Variants in PTPRG observed in about 807,000 individuals in gnomAD.
PTPRG encodes the protein receptor-type tyrosine-protein phosphatase gamma.
A neutral mutation model predicts 165.3 loss-of-function variants in PTPRG; 102 were observed. The ratio of observed to expected loss-of-function variants is 0.62; its 90% CI spans 0.53 to 0.73. The LOEUF (loss-of-function observed/expected upper bound fraction) is 0.73. PTPRG is among the 30% of genes least tolerant of loss of function. The probability of loss-of-function intolerance (pLI) is 0.00; values close to 1 mark genes in which losing one functional copy is unlikely to be tolerated. For synonymous variants in PTPRG, 675 were observed against 669.5 expected, an observed-to-expected ratio of 1.01 and a Z score of -0.13; for missense variants, 1,866 against 1,861.4, an observed-to-expected ratio of 1.00 and a Z score of -0.05.
intron 2 of PTPRG, among the ~76,000 whole-genome samples, chr3:61,987,296 A>G (rs775953176): frequency 1.3e-5 from 2 of 152,230 alleles, no homozygotes; most frequent in Non-Finnish European, 2.9e-5. Flanking sequence ...GCAAGCATGT[A>G]GTTGGCTTAA....
At chr3:61,627,022 G>A (rs1486497457) in intron 1 of PTPRG, among the ~76,000 whole-genome samples, 1 of 152,108 alleles carries the variant, frequency 6.6e-6, no homozygotes, top group Non-Finnish European at 1.5e-5. Context: ...AAAAGCCTTT[G>A]GATTAAAAGA....
chr3:62,168,058 C>A lies in PTPRG; in HGVS notation c.928C>A (p.Gln310Lys), dbSNP rs763492567. Residue 310 changes from glutamine (Q) to lysine (K), a missense_variant, in exon 8 of 30, where the codon CAG (glutamine) becomes AAG (lysine). Transcript: ENST00000474889. ...TCTGAGAAATAACTTTCGACCACAGCAGCGTCTGCATGACAGGGTGGTGTC... is the reference window on the plus strand; with the variant it reads ...TCTGAGAAATAACTTTCGACCACAGAAGCGTCTGCATGACAGGGTGGTGTC... ...EYLRNNFRPQ[Q>K]RLHDRVVSKS... The A allele has an allele frequency of 6.2e-7, 1 of 1,613,988 alleles. No homozygotes were observed. The highest frequency in any genetic ancestry group is 8.5e-7 in the Non-Finnish European group (1 of 1,179,932).
intron 2 of PTPRG, among the ~76,000 whole-genome samples, chr3:61,830,577 T>G (rs369380099): frequency 0.057 from 8,242 of 144,480 alleles, 332 homozygotes; most frequent in East Asian, 0.21. Flanking sequence ...TTTTTTTTTT[T>G]TTTTTTTTTT....
chr3:61,738,009 C>T lies in PTPRG; in HGVS notation c.86-10869C>T, dbSNP rs112309673. On this transcript the variant is annotated intron_variant, in intron 1 of 29. Transcript: ENST00000474889. ...CTGCAAGCTCCGCCTCCGGGGTTCACGCCATTCTCCTGCCTCAGCCTCCCG... is the reference window on the plus strand; with the variant it reads ...CTGCAAGCTCCGCCTCCGGGGTTCATGCCATTCTCCTGCCTCAGCCTCCCG... Among the ~76,000 whole-genome samples, 609 of 149,410 alleles carry T rather than the reference C, an allele frequency of 4.1e-3. 9 individuals are homozygous for T. The highest frequency in any genetic ancestry group is 0.014 in the African/African-American group (586 of 40,794).
intron 28 of PTPRG, among the ~76,000 whole-genome samples, chr3:62,286,562 T>TA (rs5849473): frequency 0.89 from 134,137 of 151,364 alleles, 59,627 homozygotes; most frequent in East Asian, 0.99. Flanking sequence ...ACAGAGCACT[T>TA]AAAAAAAAAC....
At chr3:61,638,312 C>T (rs1308213504) in intron 1 of PTPRG, among the ~76,000 whole-genome samples, 3 of 151,738 alleles carry the variant, frequency 2.0e-5, no homozygotes, top group Non-Finnish European at 2.9e-5. Flanking sequence ...AATTTCAGGA[C>T]CTTGCTGTAG....
Position 61,708,443 on chromosome 3 carries a change from CTTTTTTTTTTTTT to C in PTPRG, c.86-40419_86-40407del, listed in dbSNP as rs61136954. 3.0e-4 allele frequency among the ~76,000 whole-genome samples: 23 copies of C among 75,914 alleles called. 1 individual carries two copies. The highest frequency in any genetic ancestry group is 1.6e-3 in the South Asian group (3 of 1,862). 49.8% of individuals were successfully genotyped at this position (75,914 alleles called of 152,430 possible). On this transcript the variant is annotated intron_variant, in intron 1 of 29. Transcript: ENST00000474889. ...CTAATGAACTGGGCTCTCTGCAAAT[CTTTTTTTTTTTTT>C]TTTTTTTTTTTTTTTGAGACAGAGT...
At chr3:61,990,096 CT>C (rs201934518) in intron 3 of PTPRG, among the ~76,000 whole-genome samples, 1,547 of 151,834 alleles carry the variant, frequency 0.01, 20 homozygotes, top group African/African-American at 0.035. Context: ...TGTAGAAGGA[CT>C]TTCAGAAAGC....
chr3:61,704,599 T>C (rs1240296124), intron 1 of PTPRG, among the ~76,000 whole-genome samples: 1 of 150,930 alleles, frequency 6.6e-6, no homozygotes, highest in Non-Finnish European at 1.5e-5. Context: ...ACCTTGACTT[T>C]GAGAGCCACT....
At chr3:61,939,233 A>C (rs1041805286) in intron 2 of PTPRG, among the ~76,000 whole-genome samples, 1 of 152,152 alleles carries the variant, frequency 6.6e-6, no homozygotes, top group African/African-American at 2.4e-5. Flanking sequence ...AAGCAGCCCT[A>C]TATTTACTCA....
intron 6 of PTPRG, among the ~76,000 whole-genome samples, chr3:62,146,310 AGATG>A (rs761920661): frequency 2.5e-4 from 38 of 152,228 alleles, no homozygotes; most frequent in Non-Finnish European, 5.3e-4. Flanking sequence ...TAGATGTCTT[AGATG>A]TCTTTGAACC....
intron 1 of PTPRG, among the ~76,000 whole-genome samples, chr3:61,734,667 C>T (rs1314889776): frequency 1.3e-5 from 2 of 152,084 alleles, no homozygotes; most frequent in African/African-American, 4.8e-5. Flanking sequence ...GATAGGGAAA[C>T]CCCCAAAGAT....
chr3:61,806,632 G>C (rs1164749672), intron 2 of PTPRG, among the ~76,000 whole-genome samples: 1 of 152,092 alleles, frequency 6.6e-6, no homozygotes, highest in Non-Finnish European at 1.5e-5. Flanking sequence ...TGATAGGGTA[G>C]TTAGCAAACC....
intron 4 of PTPRG, among the ~76,000 whole-genome samples, chr3:62,066,695 T>C (rs974939331): frequency 6.6e-6 from 1 of 152,128 alleles, no homozygotes; most frequent in African/African-American, 2.4e-5. Context: ...AAGAAAGCCA[T>C]TGCAGTCACC....
intron 2 of PTPRG, among the ~76,000 whole-genome samples, chr3:61,840,313 C>T (rs2036587542): frequency 6.6e-6 from 1 of 152,012 alleles, no homozygotes; most frequent in Non-Finnish European, 1.5e-5. Context: ...GGACCCATTT[C>T]GATCTGTATT....
chr3:61,672,301 C>T (rs1372651244), intron 1 of PTPRG, among the ~76,000 whole-genome samples: 2 of 145,602 alleles, frequency 1.4e-5, no homozygotes, highest in African/African-American at 5.1e-5. Context: ...AGACGCTCCT[C>T]ACTTCCCAGA....
At chr3:62,284,230 G>C (rs1005489786) in intron 28 of PTPRG, among the ~76,000 whole-genome samples, 1 of 152,002 alleles carries the variant, frequency 6.6e-6, no homozygotes, top group Non-Finnish European at 1.5e-5. Flanking sequence ...TAAGGAAAGA[G>C]GAAAAGAAAA....
intron 1 of PTPRG, among the ~76,000 whole-genome samples, chr3:61,732,709 AAAAT>A (rs10593342): frequency 0.5 from 71,899 of 142,522 alleles, 18,927 homozygotes; most frequent in Middle Eastern, 0.67. Context: ...ACTCCGTCTC[AAAAT>A]AAATAAATAA....
At chr3:61,562,965 G>A (rs1023291706) in intron 1 of PTPRG, among the ~76,000 whole-genome samples, 7 of 152,148 alleles carry the variant, frequency 4.6e-5, no homozygotes, top group African/African-American at 1.7e-4. Flanking sequence ...TCTGGGGGCT[G>A]GGGCGCGGGC....
Sources: allele counts gnomAD v4.1 joint callset (sites outside exome capture counted in the v4.1 genomes callset), GRCh38; gene constraint gnomAD v4.1.1; transcripts MANE v1.5; gene names NCBI Gene and HGNC (gene_info 2026-07-23, HGNC 2026-07-21).